The following ABCA13 variants were observed in gnomAD, a reference collection of about 807,000 sequenced individuals.
ABCA13 encodes ATP-binding cassette sub-family A member 13.
A neutral mutation model predicts 478.7 loss-of-function variants in ABCA13; 476 were observed. The ratio of observed to expected loss-of-function variants is 0.99; its 90% CI spans 0.92 to 1.07. The LOEUF (loss-of-function observed/expected upper bound fraction) is 1.07, where lower values mean the gene tolerates loss of function less well. Among genes scored for constraint, ABCA13 ranks in the 50% least tolerant of loss-of-function variants. The probability of loss-of-function intolerance (pLI) is 0.00; values close to 1 mark genes in which losing one functional copy is unlikely to be tolerated. For synonymous variants in ABCA13, 2,252 were observed against 2,158.9 expected (o/e 1.04, Z -1.20); for missense variants, 6,060 against 5,910.6 (o/e 1.03, Z -0.83).
intron 29 of ABCA13, among the ~76,000 whole-genome samples, chr7:48,344,249 T>A (rs541774691): frequency 6.6e-6 from 1 of 152,196 alleles, no homozygotes; most frequent in Non-Finnish European, 1.5e-5. Context: ...CTAGGGGTAC[T>A]GCTAAACATC....
chr7:48,287,926 TATTA>T (rs1221239162), intron 19 of ABCA13, 30 bp from the exon 20 acceptor site: 3 of 1,547,250 alleles, frequency 1.9e-6, no homozygotes. Flanking sequence ...GAGGACTGTC[TATTA>T]ATTATTTCTC....
chr7:48,367,671 A>T, intron 31 of ABCA13, 123 bp from the exon 32 acceptor site: 1 of 728,652 alleles, frequency 1.4e-6, no homozygotes, highest in Non-Finnish European at 2.4e-6. Context: ...AGTCACAGGC[A>T]TGTAGAAATG....
chr7:48,590,627 C>T (rs1789635046), intron 57 of ABCA13, among the ~76,000 whole-genome samples: 1 of 152,134 alleles, frequency 6.6e-6, no homozygotes, highest in African/African-American at 2.4e-5. Context: ...TCACTTTTCT[C>T]CGAATCCTTG....
intron 48 of ABCA13, among the ~76,000 whole-genome samples, chr7:48,489,877 A>G (rs143463859): frequency 1.3e-4 from 20 of 152,314 alleles, no homozygotes; most frequent in African/African-American, 4.6e-4. Flanking sequence ...GTTTAAGTGA[A>G]TATTTATTTA....
intron 38 of ABCA13, among the ~76,000 whole-genome samples, chr7:48,396,191 G>T (rs769172995): frequency 6.6e-6 from 1 of 152,220 alleles, no homozygotes; most frequent in South Asian, 2.1e-4. Flanking sequence ...TCAAGGACCA[G>T]ATCCCCTCCC....
rs143855703 is a variant in ABCA13, at chr7:48,272,287, C to T, written c.2621C>T (p.Ser874Phe). The part of the protein sequence containing the change: ...NEILSTSFNF[S>F]QLFHSDWPKS... Reference sequence around the variant, plus strand: ...ATTCTGAGTACAAGTTTTAACTTTTCCCAGTTGTTCCATTCAGATTGGCCT... The same window carrying T: ...ATTCTGAGTACAAGTTTTAACTTTTTCCAGTTGTTCCATTCAGATTGGCCT... Residue 874 changes from serine (S) to phenylalanine (F), a missense_variant, in exon 17 of 62, where the codon TCC (serine) becomes TTC (phenylalanine). This residue lies in a region of ABCA13 where 4,423 missense variants were observed against 4,309.1 expected (regional missense o/e 1.03). Transcript: ENST00000435803. 4.9e-4 allele frequency: 789 copies of T among 1,613,656 alleles called. 12 individuals carry two copies. The African/African-American group carries it at 9.4e-3, about 19-fold the overall frequency.
chr7:48,246,911 G>A (rs1791780873), intron 13 of ABCA13, among the ~76,000 whole-genome samples: 1 of 152,086 alleles, frequency 6.6e-6, no homozygotes, highest in African/African-American at 2.4e-5. Flanking sequence ...GCAAAGAGAA[G>A]TCAGGAGAGG....
chr7:48,503,074 A>G (rs977023248), intron 48 of ABCA13, among the ~76,000 whole-genome samples: 1 of 152,132 alleles, frequency 6.6e-6, no homozygotes, highest in Non-Finnish European at 1.5e-5. Flanking sequence ...TTATTTACAT[A>G]TTTACTTATG....
In ABCA13 at chr7:48,621,676, A is replaced by C. The variant is rs77063191; in HGVS notation, c.14837+6299A>C. Among the ~76,000 whole-genome samples the C allele has an allele frequency of 8.9e-3, 1,363 of 152,322 alleles. 20 individuals are homozygous for C. Among genetic ancestry groups the C allele is most frequent in the African/African-American group, 0.031 (1,273 of 41,570 alleles). On this transcript the variant is annotated intron_variant, in intron 59 of 61. Transcript: ENST00000435803. ...GATACTTCTAAGTAGTTAAACAATG[A>C]TTTTAACTTTAGATTGGTATTCCAA...
intron 55 of ABCA13, among the ~76,000 whole-genome samples, chr7:48,547,077 G>C (rs746263357): frequency 5.3e-5 from 8 of 151,780 alleles, no homozygotes; most frequent in Non-Finnish European, 7.4e-5. Flanking sequence ...TGGTCTAACT[G>C]TGCCTCTATG....
chr7:48,406,283 C>A (rs1394425557), intron 39 of ABCA13, among the ~76,000 whole-genome samples: 1 of 152,162 alleles, frequency 6.6e-6, no homozygotes, highest in Non-Finnish European at 1.5e-5. Flanking sequence ...CTGGGGTATG[C>A]ACTTGCTCTA....
intron 50 of ABCA13, among the ~76,000 whole-genome samples, chr7:48,508,829 C>T (rs1041568612): frequency 1.3e-5 from 2 of 152,144 alleles, no homozygotes; most frequent in Non-Finnish European, 2.9e-5. Flanking sequence ...CACAAATTTC[C>T]GCATATTAAC....
At chr7:48,583,009 T>C (rs1788848685) in intron 56 of ABCA13, among the ~76,000 whole-genome samples, 1 of 152,196 alleles carries the variant, frequency 6.6e-6, no homozygotes. Flanking sequence ...GAGTTCATCA[T>C]GCTAGGTAGT....
Position 48,626,888 on chromosome 7 carries a change from T to C in ABCA13, c.14837+11511T>C, listed in dbSNP as rs144112986. 1.9e-4 allele frequency: 189 copies of C among 985,432 alleles called. No homozygotes were observed. In the African/African-American group the frequency reaches 3.2e-3, roughly 17 times the overall value. 61.0% of individuals were successfully genotyped at this position (985,432 alleles called of 1,614,324 possible). A position where few individuals can be genotyped will look rare whatever the true frequency, so the allele number is the denominator to read the frequency against. Reference sequence around the variant, plus strand: ...TTCCTACGAGGAAGGGCTGTTGATATTCATGTTCTCTTTGCTATGGCAAGA... The same window carrying C: ...TTCCTACGAGGAAGGGCTGTTGATACTCATGTTCTCTTTGCTATGGCAAGA... On this transcript the variant is annotated intron_variant, in intron 59 of 61. Coordinates refer to ENST00000435803, the MANE Select transcript of ABCA13 (RefSeq NM_152701.5).
chr7:48,406,237 C>T (rs542446713), intron 39 of ABCA13, among the ~76,000 whole-genome samples: 3 of 152,218 alleles, frequency 2.0e-5, no homozygotes, highest in East Asian at 3.9e-4. Context: ...CAAAAAATAC[C>T]GGTGAAAACT....
chr7:48,227,134 T>A, intron 5 of ABCA13, 128 bp from the exon 6 acceptor site: 1 of 820,752 alleles, frequency 1.2e-6, no homozygotes, highest in Non-Finnish European at 2.0e-6. Context: ...AATGTAGTGA[T>A]ATATTAAGTG....
chr7:48,508,686 T>TA (rs1340945977), intron 50 of ABCA13, among the ~76,000 whole-genome samples: 1 of 152,228 alleles, frequency 6.6e-6, no homozygotes, highest in African/African-American at 2.4e-5. Context: ...AGGAAAGTGA[T>TA]ATCCTTGCCC....
chr7:48,436,738 A>G (rs1007103566), intron 42 of ABCA13, among the ~76,000 whole-genome samples: 3 of 151,050 alleles, frequency 2.0e-5, no homozygotes, highest in African/African-American at 7.3e-5. Flanking sequence ...TCGTTTCAAG[A>G]TATTTTCTAA....
intron 44 of ABCA13, among the ~76,000 whole-genome samples, chr7:48,467,582 A>G (rs1827023583): frequency 6.6e-6 from 1 of 152,152 alleles, no homozygotes; most frequent in Non-Finnish European, 1.5e-5. Context: ...CTTTATAAAC[A>G]CTTATTTCCC....
Sources: gnomAD v4.1 joint callset for allele counts (sites outside exome capture counted in the v4.1 genomes callset) on GRCh38, gnomAD v4.1.1 for gene constraint, gnomAD v4.1.1 regional missense constraint, MANE v1.5 for transcripts, NCBI Gene and HGNC (gene_info 2026-07-23, HGNC 2026-07-21) for gene names.